Variants in LRP1B observed in about 807,000 individuals in gnomAD.
LRP1B encodes low-density lipoprotein receptor-related protein 1B.
Under a neutral mutation model 556.6 loss-of-function variants are expected in LRP1B, and 217 were observed. The observed-to-expected ratio is 0.39, with a 90% CI of 0.35 to 0.44. The LOEUF (loss-of-function observed/expected upper bound fraction) is 0.44, where lower values mean the gene tolerates loss of function less well. LRP1B is among the 20% of genes least tolerant of loss of function. The pLI, the probability that LRP1B is intolerant of heterozygous loss-of-function variation, is 1.00. For synonymous variants in LRP1B, 2,047 were observed against 1,865.8 expected, an observed-to-expected ratio of 1.10 and a Z score of -2.50; for missense variants, 5,053 against 5,620.8, an observed-to-expected ratio of 0.90 and a Z score of 3.23.
chr2:140,745,374 T>C (rs909301168), intron 35 of LRP1B, among the ~76,000 whole-genome samples: 2 of 152,204 alleles, frequency 1.3e-5, no homozygotes, highest in African/African-American at 4.8e-5. Flanking sequence ...ACCAAAATTT[T>C]ACTTTTTATT....
At chr2:141,722,500 T>C (rs1303407374) in intron 2 of LRP1B, among the ~76,000 whole-genome samples, 2 of 152,164 alleles carry the variant, frequency 1.3e-5, no homozygotes, top group African/African-American at 4.8e-5. Flanking sequence ...CTGATTGTTA[T>C]GTGTCTGTGT....
At chr2:140,600,225 C>T (rs1011813439) in intron 42 of LRP1B, among the ~76,000 whole-genome samples, 5 of 151,966 alleles carry the variant, frequency 3.3e-5, no homozygotes, top group African/African-American at 1.2e-4. Flanking sequence ...CTCTTTTATT[C>T]CTACTGTGGG....
At chr2:141,354,390 A>G (rs888794077) in intron 3 of LRP1B, among the ~76,000 whole-genome samples, 1 of 152,038 alleles carries the variant, frequency 6.6e-6, no homozygotes, top group Non-Finnish European at 1.5e-5. Context: ...CCAAACCTAT[A>G]TCCTTTACAT....
chr2:140,631,990 G>T (rs923977796), intron 41 of LRP1B, among the ~76,000 whole-genome samples: 1 of 152,164 alleles, frequency 6.6e-6, no homozygotes, highest in South Asian at 2.1e-4. Flanking sequence ...AAAAAGACTG[G>T]TATGAAATAT....
chr2:141,727,058 T>C (rs953649165), intron 2 of LRP1B, among the ~76,000 whole-genome samples: 4 of 151,868 alleles, frequency 2.6e-5, no homozygotes, highest in African/African-American at 9.7e-5. Flanking sequence ...GAAAAAAAAA[T>C]TACCCATGCA....
chr2:140,714,190 C>T (rs1196316289), intron 37 of LRP1B, among the ~76,000 whole-genome samples: 1 of 152,132 alleles, frequency 6.6e-6, no homozygotes, highest in Non-Finnish European at 1.5e-5. Context: ...AAGTGTCTTT[C>T]ATATGTACTT....
chr2:141,904,909 C>T (rs550828773), intron 1 of LRP1B, among the ~76,000 whole-genome samples: 88 of 152,008 alleles, frequency 5.8e-4, no homozygotes, highest in African/African-American at 2.1e-3. Context: ...GACCTGACCA[C>T]CTACTTGGGT....
intron 59 of LRP1B, among the ~76,000 whole-genome samples, chr2:140,483,688 T>C (rs1688350009): frequency 7.1e-6 from 1 of 140,118 alleles, no homozygotes; most frequent in South Asian, 2.2e-4. Context: ...TCACCCAGGC[T>C]GGAATGCAGT....
At chr2:141,420,938 G>A (rs4520974) in intron 3 of LRP1B, among the ~76,000 whole-genome samples, 124,706 of 152,066 alleles carry the variant, frequency 0.82, 51,454 homozygotes, top group East Asian at 1. Context: ...ATAGTAAATT[G>A]GAGTGTTCTA....
At position 141,030,692 on chromosome 2, in the gene LRP1B, T is replaced by C. The variant is rs1327436452; in HGVS notation, c.1790-10590A>G. 2.6e-5 allele frequency among the ~76,000 whole-genome samples: 4 copies of C among 152,188 alleles called. No individual in the cohort carries two copies. In the South Asian group the frequency reaches 6.2e-4, roughly 24 times the overall value. ...TATCAGACCATCACCACACATTAAA[T>C]GTCCTAATATCATTACAATATATTT... On this transcript the variant is annotated intron_variant, in intron 11 of 90. Transcript: ENST00000389484.
chr2:140,754,470 A>G (rs2104902068), intron 35 of LRP1B, among the ~76,000 whole-genome samples: 1 of 152,272 alleles, frequency 6.6e-6, no homozygotes. Context: ...AAATCATACA[A>G]AGTGTGTTCT....
intron 60 of LRP1B, among the ~76,000 whole-genome samples, chr2:140,468,676 T>C (rs73961413): frequency 0.1 from 15,428 of 152,290 alleles, 1,208 homozygotes; most frequent in African/African-American, 0.21. Flanking sequence ...ACCAGTGTGT[T>C]CAGAAGGCAA....
chr2:140,244,067 G>C (rs1395193691), intron 87 of LRP1B, among the ~76,000 whole-genome samples: 1 of 151,164 alleles, frequency 6.6e-6, no homozygotes, highest in Non-Finnish European at 1.5e-5. Flanking sequence ...TTCATGAGAA[G>C]AAGCACTGTC....
At chr2:141,201,140 C>T (rs372751659) in intron 6 of LRP1B, among the ~76,000 whole-genome samples, 1 of 151,998 alleles carries the variant, frequency 6.6e-6, no homozygotes, top group East Asian at 1.9e-4. Context: ...GAATGAGTAC[C>T]CAGGGTGAGT....
intron 3 of LRP1B, among the ~76,000 whole-genome samples, chr2:141,470,055 T>C (rs957048600): frequency 2.3e-5 from 3 of 128,804 alleles, no homozygotes; most frequent in African/African-American, 7.9e-5. Context: ...CTGTATAAGA[T>C]TGGGTACCAT....
chr2:140,873,753 C>A (rs1457247747), intron 25 of LRP1B, among the ~76,000 whole-genome samples: 1 of 151,544 alleles, frequency 6.6e-6, no homozygotes, highest in Non-Finnish European at 1.5e-5. Context: ...ATATATATTT[C>A]ATTATTTAGG....
intron 83 of LRP1B, among the ~76,000 whole-genome samples, chr2:140,303,141 T>C (rs1292005255): frequency 2.0e-5 from 3 of 148,434 alleles, no homozygotes; most frequent in Non-Finnish European, 4.4e-5. Context: ...AGTTTATTTA[T>C]ACAATTTTTC....
At chr2:141,214,070 TG>T (rs1682682172) in intron 6 of LRP1B, among the ~76,000 whole-genome samples, 1 of 152,230 alleles carries the variant, frequency 6.6e-6, no homozygotes, top group Admixed American at 6.5e-5. Flanking sequence ...GATCGATGGT[TG>T]GCTTAATCCA....
intron 1 of LRP1B, among the ~76,000 whole-genome samples, chr2:142,034,110 C>T (rs1703796079): frequency 6.6e-6 from 1 of 151,736 alleles, no homozygotes; most frequent in Non-Finnish European, 1.5e-5. Context: ...AAACATCACT[C>T]AAATCTGCCC....
Sources: allele counts gnomAD v4.1 joint callset (sites outside exome capture counted in the v4.1 genomes callset), GRCh38; gene constraint gnomAD v4.1.1; transcripts MANE v1.5; gene names NCBI Gene and HGNC (gene_info 2026-07-23, HGNC 2026-07-21).